Variants in PPARGC1A observed in about 807,000 individuals in gnomAD.
PPARGC1A encodes the protein PPARG coactivator 1 alpha.
Under a neutral mutation model 88.7 loss-of-function variants are expected in PPARGC1A, and 25 were observed. The observed-to-expected ratio is 0.28, with a 90% CI of 0.21 to 0.39. PPARGC1A has a LOEUF of 0.39. Ranked by LOEUF, PPARGC1A falls within the 10% of genes least tolerant of loss-of-function variation. The probability of loss-of-function intolerance (pLI) is 1.00; values close to 1 mark genes in which losing one functional copy is unlikely to be tolerated. For synonymous variants in PPARGC1A, 363 were observed against 355.6 expected, an observed-to-expected ratio of 1.02 and a Z score of -0.24; for missense variants, 880 against 968.7, an observed-to-expected ratio of 0.91 and a Z score of 1.22.
chr4:24,303,296 A>G, the PPARGC1A span, among the ~76,000 whole-genome samples: 1 of 152,264 alleles, frequency 6.6e-6, no homozygotes, highest in Non-Finnish European at 1.5e-5. Context: ...GATTATCAAC[A>G]TAGAAAGATG....
intron 2 of PPARGC1A, among the ~76,000 whole-genome samples, chr4:23,864,289 C>CT (rs1196224701): frequency 6.6e-6 from 1 of 152,172 alleles, no homozygotes; most frequent in African/African-American, 2.4e-5. Flanking sequence ...TACCCATTGT[C>CT]TGATTGTGTC....
At chr4:23,835,465 C>CG (rs1435730591) in intron 2 of PPARGC1A, among the ~76,000 whole-genome samples, 1 of 91,354 alleles carries the variant, frequency 1.1e-5, no homozygotes, top group African/African-American at 4.3e-5. Context: ...AGCATGGCGG[C>CG]TTGTGTGTGT....
chr4:24,299,874 C>T, the PPARGC1A span, among the ~76,000 whole-genome samples: 1 of 152,148 alleles, frequency 6.6e-6, no homozygotes, highest in East Asian at 1.9e-4. Flanking sequence ...ATAAAATGTT[C>T]GTATGTATAT....
At chr4:23,844,830 T>TATAATATATGATATATATTATA (rs1560429632) in intron 2 of PPARGC1A, among the ~76,000 whole-genome samples, 6 of 96,230 alleles carry the variant, frequency 6.2e-5, no homozygotes, top group African/African-American at 2.4e-4. Flanking sequence ...TATATATTAT[T>TATAATATATGATATATATTATA]ATAATATATG....
At chr4:23,910,255 TATATATATTA>T in the PPARGC1A span, among the ~76,000 whole-genome samples, 4 of 80,908 alleles carry the variant, frequency 4.9e-5, no homozygotes, top group African/African-American at 1.6e-4. Flanking sequence ...AAATATATAT[TATATATATTA>T]ATATATATTA....
At chr4:24,222,189 A>C in the PPARGC1A span, among the ~76,000 whole-genome samples, 1 of 152,230 alleles carries the variant, frequency 6.6e-6, no homozygotes, top group Non-Finnish European at 1.5e-5. Flanking sequence ...CTCCCATCCT[A>C]GAGGCAGAGT....
At chr4:23,939,596 A>T in the PPARGC1A span, among the ~76,000 whole-genome samples, 8 of 152,338 alleles carry the variant, frequency 5.3e-5, no homozygotes, top group Middle Eastern at 6.8e-3. Context: ...TCTGGAAAAT[A>T]AATTTCCCTC....
chr4:24,345,383 G>A, the PPARGC1A span, among the ~76,000 whole-genome samples: 847 of 152,026 alleles, frequency 5.6e-3, 2 homozygotes, highest in Non-Finnish European at 9.7e-3. Context: ...GATTCTACCC[G>A]TCCATGACCA....
chr4:23,795,657 T>C lies in PPARGC1A; in HGVS notation c.*165A>G. The C allele has an allele frequency of 1.8e-6, 1 of 557,888 alleles. No individual in the cohort carries two copies. Among genetic ancestry groups the C allele is most frequent in the Non-Finnish European group, 3.1e-6 (1 of 318,928 alleles). 34.6% of individuals were successfully genotyped at this position (557,888 alleles called of 1,614,324 possible). On this transcript the variant is annotated 3_prime_UTR_variant, in exon 13 of 13. Coordinates refer to ENST00000264867, the MANE Select transcript of PPARGC1A (RefSeq NM_013261.5). Reference sequence around the variant, plus strand: ...TGTTCATGTAAACCATTGTTGTTATTGTTGTTGTTGTTCTTGTTGTATTGT... The same window carrying C: ...TGTTCATGTAAACCATTGTTGTTATCGTTGTTGTTGTTCTTGTTGTATTGT...
chr4:23,915,459 T>G, the PPARGC1A span, among the ~76,000 whole-genome samples: 1 of 152,224 alleles, frequency 6.6e-6, no homozygotes, highest in Non-Finnish European at 1.5e-5. Context: ...AACACCATCC[T>G]AGTCCCCAGC....
At chr4:24,336,600 T>C in the PPARGC1A span, among the ~76,000 whole-genome samples, 1 of 152,218 alleles carries the variant, frequency 6.6e-6, no homozygotes, top group South Asian at 2.1e-4. Context: ...CATTCATGTA[T>C]CACTAATTTT....
the PPARGC1A span, among the ~76,000 whole-genome samples, chr4:24,303,608 C>T: frequency 6.6e-6 from 1 of 152,174 alleles, no homozygotes. Flanking sequence ...ACATTTCAAA[C>T]AAGCCTCCAT....
intron 2 of PPARGC1A, among the ~76,000 whole-genome samples, chr4:23,855,303 C>G (rs1361630268): frequency 6.6e-6 from 1 of 152,126 alleles, no homozygotes; most frequent in Non-Finnish European, 1.5e-5. Context: ...ACCCCTGACC[C>G]TTCACTGTCT....
At chr4:24,118,845 T>C in the PPARGC1A span, among the ~76,000 whole-genome samples, 2 of 152,052 alleles carry the variant, frequency 1.3e-5, no homozygotes, top group East Asian at 1.9e-4. Flanking sequence ...GTCAACACAA[T>C]GAAACATTTT....
the PPARGC1A span, among the ~76,000 whole-genome samples, chr4:24,120,460 C>A: frequency 4.1e-4 from 62 of 152,266 alleles, no homozygotes; most frequent in African/African-American, 1.4e-3. Flanking sequence ...TGCAATATCT[C>A]GTTTAACCCC....
chr4:24,122,416 CATATATAT>C, the PPARGC1A span, among the ~76,000 whole-genome samples: 110 of 128,112 alleles, frequency 8.6e-4, 1 homozygote, highest in African/African-American at 3.0e-3. Context: ...TGTGTGTGTG[CATATATAT>C]ATATATATAT....
the PPARGC1A span, among the ~76,000 whole-genome samples, chr4:23,943,543 C>A: frequency 1.3e-5 from 2 of 152,080 alleles, no homozygotes; most frequent in East Asian, 3.9e-4. Flanking sequence ...CAAGATCTAT[C>A]AATAGGTAAT....
the PPARGC1A span, among the ~76,000 whole-genome samples, chr4:24,098,823 G>T: frequency 6.6e-6 from 1 of 152,276 alleles, no homozygotes; most frequent in East Asian, 1.9e-4. Context: ...TGACATGTTT[G>T]TGCCCGAAGC....
At chr4:24,346,154 T>C in the PPARGC1A span, among the ~76,000 whole-genome samples, 6 of 152,192 alleles carry the variant, frequency 3.9e-5, no homozygotes, top group African/African-American at 1.4e-4. Flanking sequence ...TGGATTATCT[T>C]TTTGATATGT....
Sources: allele counts gnomAD v4.1 joint callset (sites outside exome capture counted in the v4.1 genomes callset), GRCh38; gene constraint gnomAD v4.1.1; transcripts MANE v1.5; gene names NCBI Gene and HGNC (gene_info 2026-07-23, HGNC 2026-07-21).